The following XPNPEP2 variants were observed in gnomAD, a reference collection of about 807,000 sequenced individuals.
XPNPEP2 encodes xaa-Pro aminopeptidase 2.
XPNPEP2 carries 64 observed loss-of-function variants against 59.8 expected under a neutral mutation model. That is an observed-to-expected ratio of 1.07 (90% CI 0.87 to 1.32). XPNPEP2 has a LOEUF of 1.32. Among genes scored for constraint, XPNPEP2 ranks in the 40% most tolerant of loss-of-function variants. The pLI, the probability that XPNPEP2 is intolerant of heterozygous loss-of-function variation, is 0.00. For missense variants in XPNPEP2, 575 were observed against 546.8 expected (o/e 1.05, Z -0.51); for synonymous variants, 235 against 210.0 (o/e 1.12, Z -1.03).
chrX:129,740,767 C>T (rs1447866480), intron 1 of XPNPEP2, among the ~76,000 whole-genome samples: 2 of 110,132 alleles, frequency 1.8e-5, no homozygotes, highest in Non-Finnish European at 3.8e-5. Context: ...TAGTGAAACC[C>T]CCATCTCTAC....
In XPNPEP2 at chrX:129,747,695, A is replaced by C. The variant is rs1480418154; in HGVS notation, c.579A>C (p.Gly193=). 4 of 1,211,813 alleles carry C rather than the reference A, an allele frequency of 3.3e-6. No homozygotes were observed. The highest frequency in any genetic ancestry group is 4.3e-5 in the Admixed American group (2 of 46,085). The change falls in exon 7 of 21, where the codon GGA becomes GGC. Residue 193 remains glycine, a synonymous_variant. Transcript: ENST00000371106. The part of the protein sequence containing the change: ...ITTNLVDLVW[G]SERPPVPNQP... ...CCAATCTTGTGGACCTGGTATGGGG[A>C]TCAGAGAGGCCACCGGTTCCAAATC...
intron 2 of XPNPEP2, among the ~76,000 whole-genome samples, chrX:129,742,849 C>A (rs1181851893): frequency 8.9e-6 from 1 of 112,050 alleles, no homozygotes. Context: ...TTGCAGTGAG[C>A]CAAGATTGTG....
rs1187050309 is a variant in XPNPEP2 at position 129,746,687 on chromosome X, C to T, written c.490+6C>T. ...CCCCTTCCTCTTGTCCATTGGTATGCTCTTCCTTCAGTCCCTGAATTTGTC... is the reference window on the plus strand; with the variant it reads ...CCCCTTCCTCTTGTCCATTGGTATGTTCTTCCTTCAGTCCCTGAATTTGTC... On this transcript the variant is annotated splice_donor_region_variant and intron_variant, in intron 6 of 20. Transcript: ENST00000371106. 8.3e-7 allele frequency: 1 copy of T among 1,204,099 alleles called. No individual in the cohort carries two copies. The highest frequency in any genetic ancestry group is 1.1e-6 in the Non-Finnish European group (1 of 889,120).
chrX:129,752,125 C>T (rs776450426), intron 9 of XPNPEP2, 25 bp from the exon 10 acceptor site: 2 of 1,203,318 alleles, frequency 1.7e-6, no homozygotes, highest in Non-Finnish European at 2.2e-6. Context: ...GCTCAGGACC[C>T]TCCTTGTCTT....
Position 129,769,090 on chromosome X carries a change from T to C in XPNPEP2, c.*605T>C, listed in dbSNP as rs1161392854. On this transcript the variant is annotated 3_prime_UTR_variant, in exon 21 of 21. Coordinates refer to ENST00000371106, the MANE Select transcript of XPNPEP2 (RefSeq NM_003399.6). Reference sequence around the variant, plus strand: ...GAATGCGGTGAGGCACTCTGGAATATGACCCTACCAGAGGTTGGAGAACAA... The same window carrying C: ...GAATGCGGTGAGGCACTCTGGAATACGACCCTACCAGAGGTTGGAGAACAA... 2 of 112,416 alleles carry C rather than the reference T, an allele frequency of 1.8e-5. No homozygotes were observed. Among genetic ancestry groups the C allele is most frequent in the Non-Finnish European group, 3.8e-5 (2 of 53,261 alleles). The allele number at this position is 112,416 out of a possible 1,213,427, so 9.3% of individuals were successfully genotyped here.
At chrX:129,767,040 C>G (rs1441651296) in intron 19 of XPNPEP2, among the ~76,000 whole-genome samples, 1 of 110,336 alleles carries the variant, frequency 9.1e-6, no homozygotes, top group East Asian at 2.8e-4. Context: ...ATGGTGAAAC[C>G]TCATCTCTAC....
In XPNPEP2 at chrX:129,750,526, G is replaced by C. The variant is rs41311662; in HGVS notation, c.696G>C (p.Lys232Asn). The C allele has an allele frequency of 1.7e-6, 2 of 1,194,160 alleles. No individual in the cohort carries two copies. Among genetic ancestry groups the C allele is most frequent in the Admixed American group, 4.6e-5 (2 of 43,511 alleles). The change falls in exon 8 of 21, where the codon AAG becomes AAC. Residue 232 changes from lysine (K) to asparagine (N), a missense_variant. By Grantham distance (94) the Lys-to-Asn change is moderately conservative. Coordinates refer to ENST00000371106, the MANE Select transcript of XPNPEP2 (RefSeq NM_003399.6). ...GAAGCCAGATGCAGAAGCATCAAAA[G>C]GTCCCGACTGCCGTCCTTCTGTCGG... Reference protein sequence around the residue: ...GVRSQMQKHQKVPTAVLLSAL... With the variant: ...GVRSQMQKHQNVPTAVLLSAL...
rs1317928329 is a variant in XPNPEP2, at chrX:129,768,845, CAA to C, written c.*361_*362del. ...GCTCCCCTCCCGCCAAACAAAACCC[CAA>C]GAGAGCAATGCCCCTACCACCCAAG... On this transcript the variant is annotated 3_prime_UTR_variant, in exon 21 of 21. Transcript: ENST00000371106. The C allele has an allele frequency of 7.3e-6, 1 of 136,270 alleles. No individual in the cohort carries two copies. The allele number at this position is 136,270 out of a possible 1,213,427, so 11.2% of individuals were successfully genotyped here. A position where few individuals can be genotyped will look rare whatever the true frequency, so the allele number is the denominator to read the frequency against.
chrX:129,752,107 T>C, intron 9 of XPNPEP2, 43 bp from the exon 10 acceptor site: 1 of 1,170,154 alleles, frequency 8.5e-7, no homozygotes, highest in South Asian at 1.9e-5. Context: ...TTTGCATCCT[T>C]AGCAGATGCT....
chrX:129,748,901 A>G lies in XPNPEP2; in HGVS notation c.637+1148A>G, dbSNP rs148283414. 3.3e-4 allele frequency among the ~76,000 whole-genome samples: 37 copies of G among 111,559 alleles called. No individual in the cohort carries two copies. In the East Asian group the frequency reaches 0.01, roughly 31 times the overall value. ...TCAAGAAAAAGGCACCTGGAGCTTG[A>G]GTTTGGAAGCCGAAGAACAGAGTTC... On this transcript the variant is annotated intron_variant, in intron 7 of 20. Coordinates refer to ENST00000371106, the MANE Select transcript of XPNPEP2 (RefSeq NM_003399.6).
At chrX:129,747,578 G>A (rs1926322202) in intron 6 of XPNPEP2, 29 bp from the exon 7 acceptor site, 1 of 1,206,360 alleles carries the variant, frequency 8.3e-7, no homozygotes, top group South Asian at 1.8e-5. Flanking sequence ...AATGGGCAAG[G>A]GACAAGTGAC....
At chrX:129,742,703 A>T (rs1926217066) in intron 2 of XPNPEP2, among the ~76,000 whole-genome samples, 1 of 110,971 alleles carries the variant, frequency 9.0e-6, no homozygotes, top group Admixed American at 9.5e-5. Flanking sequence ...GGAGTTCGAG[A>T]CCAGCCTGGG....
At chrX:129,750,611 C>T (rs373665160) in intron 8 of XPNPEP2, 42 bp downstream of exon 8, 242 of 1,064,979 alleles carry the variant, frequency 2.3e-4, no homozygotes, top group Non-Finnish European at 2.9e-4. Flanking sequence ...CCTGGGTCTC[C>T]CCAATGCCCC....
At chrX:129,746,185 C>A in intron 4 of XPNPEP2, 51 bp from the exon 5 acceptor site, 1 of 1,095,812 alleles carries the variant, frequency 9.1e-7, no homozygotes, top group Non-Finnish European at 1.3e-6. Flanking sequence ...TCAGCTAATG[C>A]CACGTTCCTC....
At chrX:129,754,003 G>A (rs1456279899) in intron 11 of XPNPEP2, among the ~76,000 whole-genome samples, 1 of 112,325 alleles carries the variant, frequency 8.9e-6, no homozygotes, top group Non-Finnish European at 1.9e-5. Context: ...CTGGCAAGAG[G>A]ATGGCTCAAT....
At chrX:129,755,508 C>A in intron 13 of XPNPEP2, 137 bp downstream of exon 13, 1 of 561,754 alleles carries the variant, frequency 1.8e-6, no homozygotes, top group Non-Finnish European at 2.9e-6. Context: ...CCTGTGGGGG[C>A]TGGGAGAGGA....
chrX:129,765,049 G>A (rs749579119), intron 19 of XPNPEP2, among the ~76,000 whole-genome samples: 1 of 112,109 alleles, frequency 8.9e-6, no homozygotes, highest in Non-Finnish European at 1.9e-5. Context: ...AACATTTCAG[G>A]CACACACAGC....
Position 129,754,465 on chromosome X carries a change from A to T in XPNPEP2, c.1108-7A>T. ...GCTCCTCTGTTTCCCTGCTTCCCCA[A>T]CTCCAGGTGCGGGACGCTGTGGCTG... On this transcript the variant is annotated splice_polypyrimidine_tract_variant and splice_region_variant and intron_variant, in intron 11 of 20. Transcript: ENST00000371106. 8.6e-7 allele frequency: 1 copy of T among 1,165,685 alleles called. No homozygotes were observed. Among genetic ancestry groups the T allele is most frequent in the East Asian group, 3.2e-5 (1 of 31,140 alleles).
chrX:129,750,633 G>A, intron 8 of XPNPEP2, 64 bp downstream of exon 8: 1 of 960,216 alleles, frequency 1.0e-6, no homozygotes, highest in Admixed American at 2.8e-5. Context: ...AGCCTCCCGG[G>A]CCCTGCAGCA....
Sources: allele counts gnomAD v4.1 joint callset (sites outside exome capture counted in the v4.1 genomes callset), GRCh38; gene constraint gnomAD v4.1.1; transcripts MANE v1.5; gene names NCBI Gene and HGNC (gene_info 2026-07-23, HGNC 2026-07-21).